Variants in NEMF observed in about 807,000 individuals in gnomAD.
NEMF encodes ribosome quality control complex subunit NEMF.
Under a neutral mutation model 162.2 loss-of-function variants are expected in NEMF, and 89 were observed. The observed-to-expected ratio is 0.55, with a 90% CI of 0.46 to 0.65. The LOEUF (loss-of-function observed/expected upper bound fraction) is 0.65. NEMF is among the 30% of genes least tolerant of loss of function. The pLI is 0.00. For synonymous variants in NEMF, 421 were observed against 404.5 expected (o/e 1.04, Z -0.49); for missense variants, 1,133 against 1,261.9 (o/e 0.90, Z 1.55).
At chr14:49,833,522 A>T (rs1411769129) in intron 7 of NEMF, 26 bp from the exon 8 acceptor site, 1 of 1,485,120 alleles carries the variant, frequency 6.7e-7, no homozygotes. Flanking sequence ...AAAAAGGAAA[A>T]AAGGAGTGCC....
At chr14:49,845,839 C>G in intron 4 of NEMF, 1 of 438,262 alleles carries the variant, frequency 2.3e-6, no homozygotes, top group Non-Finnish European at 4.0e-6. Context: ...CCGTATTTGA[C>G]TATTTTCTGG....
Position 49,782,981 on chromosome 14 carries a change from C to T in NEMF, c.*1655G>A, listed in dbSNP as rs1889980797. On this transcript the variant is annotated 3_prime_UTR_variant, in exon 33 of 33. Coordinates refer to ENST00000298310, the MANE Select transcript of NEMF (RefSeq NM_004713.6). ...CTTCATAAATAATGCCTATGATCAC[C>T]TTGCATGGACAGCAATCCTGTAAAC... 2 of 1,601,718 alleles carry T rather than the reference C, an allele frequency of 1.2e-6. No individual in the cohort carries two copies. Among genetic ancestry groups the T allele is most frequent in the African/African-American group, 1.3e-5 (1 of 74,462 alleles).
intron 18 of NEMF, among the ~76,000 whole-genome samples, chr14:49,810,069 T>G (rs1322100343): frequency 6.6e-6 from 1 of 151,196 alleles, no homozygotes; most frequent in African/African-American, 2.4e-5. Flanking sequence ...TCGAAAAAAA[T>G]GTCTATTTAA....
chr14:49,837,989 G>T, intron 6 of NEMF, 150 bp downstream of exon 6: 2 of 537,636 alleles, frequency 3.7e-6, no homozygotes, highest in Non-Finnish European at 6.5e-6. Flanking sequence ...ACTTCATGTG[G>T]TTTAACTTCT....
At chr14:49,819,136 C>A (rs1168173531) in intron 16 of NEMF, among the ~76,000 whole-genome samples, 3 of 151,860 alleles carry the variant, frequency 2.0e-5, no homozygotes, top group African/African-American at 7.3e-5. Context: ...AAGGAGGGTG[C>A]GGTAGGGCTG....
At chr14:49,834,500 T>A in intron 6 of NEMF, 51 bp from the exon 7 acceptor site, 2 of 1,347,700 alleles carry the variant, frequency 1.5e-6, no homozygotes, top group Admixed American at 3.8e-5. Flanking sequence ...AATTCTTTTT[T>A]GTTTTTGTTT....
At chr14:49,846,016 T>C (rs896712555) in intron 4 of NEMF, 124 bp downstream of exon 4, 2 of 714,874 alleles carry the variant, frequency 2.8e-6, no homozygotes, top group Non-Finnish European at 4.5e-6. Flanking sequence ...GTGGCACCCA[T>C]TTCCTAGGGT....
chr14:49,782,748 G>A lies in NEMF; in HGVS notation c.*1888C>T, dbSNP rs1889966396. 1.3e-6 allele frequency: 2 copies of A among 1,486,606 alleles called. No homozygotes were observed. Among genetic ancestry groups the A allele is most frequent in the Non-Finnish European group, 1.8e-6 (2 of 1,090,722 alleles). The allele number at this position is 1,486,606 out of a possible 1,614,324, so 92.1% of individuals were successfully genotyped here. On this transcript the variant is annotated 3_prime_UTR_variant, in exon 33 of 33. Transcript: ENST00000298310. ...GAAAATCTTTGAAGAAAGAAAGAGGGATGTTTTATGTAGTTTTTCAAGTGA... is the reference window on the plus strand; with the variant it reads ...GAAAATCTTTGAAGAAAGAAAGAGGAATGTTTTATGTAGTTTTTCAAGTGA...
At chr14:49,837,220 G>A (rs1417245532) in intron 6 of NEMF, among the ~76,000 whole-genome samples, 2 of 152,200 alleles carry the variant, frequency 1.3e-5, no homozygotes, top group African/African-American at 2.4e-5. Context: ...AGGTTGCAGT[G>A]AGCTGAGACT....
At position 49,802,548 on chromosome 14, in the gene NEMF, T is replaced by C. The variant is rs1189042978; in HGVS notation, c.2000A>G (p.His667Arg). The stretch of plus-strand genomic sequence containing the variant: ...TACTCTGACTTTTCGTTCACCCTGA[T>C]GTCTCCAAACACAAGACTCATCTAC... ...FKVDESCVWR[H>R]QGERKVRVQD... The change falls in exon 22 of 33, where the codon CAT becomes CGT. Residue 667 changes from histidine to arginine, a missense_variant. Physicochemically the swap from His to Arg is conservative, Grantham distance 29. Transcript: ENST00000298310. The C allele has an allele frequency of 1.9e-6, 3 of 1,614,090 alleles. No homozygotes were observed. In the South Asian group the frequency reaches 3.3e-5, roughly 18 times the overall value.
At chr14:49,839,166 C>T (rs1021458519) in intron 5 of NEMF, among the ~76,000 whole-genome samples, 3 of 151,860 alleles carry the variant, frequency 2.0e-5, no homozygotes, top group African/African-American at 7.3e-5. Flanking sequence ...CAACCTCTGC[C>T]TCCTGGGTTC....
intron 26 of NEMF, among the ~76,000 whole-genome samples, chr14:49,794,769 G>A (rs1228210726): frequency 1.4e-5 from 2 of 145,178 alleles, no homozygotes; most frequent in Non-Finnish European, 3.0e-5. Flanking sequence ...CCCAGGCTGC[G>A]GTGCAGTGGC....
intron 19 of NEMF, among the ~76,000 whole-genome samples, chr14:49,805,212 C>G (rs1476296242): frequency 6.6e-6 from 1 of 152,058 alleles, no homozygotes; most frequent in East Asian, 1.9e-4. Context: ...AAAAATGAAA[C>G]TAAATCTAAG....
At chr14:49,827,624 C>G (rs971799252) in intron 15 of NEMF, among the ~76,000 whole-genome samples, 9 of 152,214 alleles carry the variant, frequency 5.9e-5, no homozygotes, top group African/African-American at 2.2e-4. Context: ...ACCAAGCTGA[C>G]CAACATGGTG....
chr14:49,837,521 A>C (rs1196500735), intron 6 of NEMF, among the ~76,000 whole-genome samples: 3 of 152,054 alleles, frequency 2.0e-5, no homozygotes, highest in Non-Finnish European at 4.4e-5. Context: ...AAAAGAAAAG[A>C]AATTTGCATT....
At chr14:49,814,914 C>T (rs375103456) in intron 16 of NEMF, 57 bp from the exon 17 acceptor site, 95 of 975,504 alleles carry the variant, frequency 9.7e-5, no homozygotes, top group African/African-American at 6.2e-4. Context: ...GAATTCATAC[C>T]CTTTTTGCAA....
At position 49,846,229 on chromosome 14, in the gene NEMF, CACTG is replaced by C; in HGVS notation, c.264_267del (p.Ser89GlnfsTer10). The stretch of plus-strand genomic sequence containing the variant: ...ATTCTATCCACACCAAGCTGTTTTG[CACTG>C]ACTAATCTCCGACTCTTCAAATGTT... On this transcript the variant is annotated frameshift_variant, in exon 4 of 33. Coordinates refer to ENST00000298310, the MANE Select transcript of NEMF (RefSeq NM_004713.6). LOFTEE classifies it high-confidence loss of function. The C allele has an allele frequency of 6.2e-7, 1 of 1,613,784 alleles. No individual in the cohort carries two copies. Among genetic ancestry groups the C allele is most frequent in the Non-Finnish European group, 8.5e-7 (1 of 1,179,864 alleles).
chr14:49,799,694 C>A lies in NEMF; in HGVS notation c.2373-16G>T. 6.2e-7 allele frequency: 1 copy of A among 1,604,104 alleles called. No homozygotes were observed. Among genetic ancestry groups the A allele is most frequent in the East Asian group, 2.2e-5 (1 of 44,760 alleles). On this transcript the variant is annotated splice_polypyrimidine_tract_variant and intron_variant, in intron 23 of 32. Coordinates refer to ENST00000298310, the MANE Select transcript of NEMF (RefSeq NM_004713.6). ...CTGGATGGACCTATGAAAATAAACACAAGGGAGTCTCTACTAGCCTGTAAA... is the reference window on the plus strand; with the variant it reads ...CTGGATGGACCTATGAAAATAAACAAAAGGGAGTCTCTACTAGCCTGTAAA...
intron 18 of NEMF, among the ~76,000 whole-genome samples, chr14:49,813,662 G>GGTGTGTGT (rs57660068): frequency 0.014 from 2,154 of 148,628 alleles, 45 homozygotes; most frequent in African/African-American, 0.05. Context: ...TTTTTTATTA[G>GGTGTGTGT]GTGTGTGTGT....
Sources: gnomAD v4.1 joint callset for allele counts (sites outside exome capture counted in the v4.1 genomes callset) on GRCh38, gnomAD v4.1.1 for gene constraint, MANE v1.5 for transcripts, NCBI Gene and HGNC (gene_info 2026-07-23, HGNC 2026-07-21) for gene names.